The following MCPH1 variants were observed in gnomAD, a reference collection of about 807,000 sequenced individuals.
MCPH1 encodes microcephalin.
In MCPH1, 104 loss-of-function variants were observed where a neutral mutation model predicts 84.5. The ratio of observed to expected loss-of-function variants is 1.23; its 90% CI spans 1.05 to 1.45. The LOEUF is 1.45. Ranked by LOEUF, MCPH1 falls within the 40% of genes most tolerant of loss-of-function variation. MCPH1 has a pLI of 0.00. For missense variants in MCPH1, 1,498 were observed against 1,005.7 expected, an observed-to-expected ratio of 1.49 and a Z score of -6.62; for synonymous variants, 514 against 366.8, an observed-to-expected ratio of 1.40 and a Z score of -4.58.
intron 2 of MCPH1, among the ~76,000 whole-genome samples, chr8:6,412,997 C>G (rs1798756048): frequency 6.6e-6 from 1 of 152,152 alleles, no homozygotes; most frequent in African/African-American, 2.4e-5. Context: ...TTGGTATTTA[C>G]CTTCATATTT....
intron 12 of MCPH1, among the ~76,000 whole-genome samples, chr8:6,575,796 G>T (rs116759700): frequency 1.1e-3 from 161 of 152,226 alleles, no homozygotes; most frequent in African/African-American, 3.7e-3. Context: ...GGAACGCCTC[G>T]TGACAACGCA....
intron 12 of MCPH1, among the ~76,000 whole-genome samples, chr8:6,516,930 A>G (rs186368575): frequency 1.3e-5 from 2 of 152,334 alleles, no homozygotes; most frequent in Admixed American, 6.5e-5. Context: ...TTTGAGCCAT[A>G]TGAGTATTCG....
At chr8:6,642,122 C>G (rs1797976321) in intron 13 of MCPH1, among the ~76,000 whole-genome samples, 2 of 152,216 alleles carry the variant, frequency 1.3e-5, no homozygotes, top group African/African-American at 4.8e-5. Flanking sequence ...CCTTCCATCA[C>G]TCATCTGTGT....
intron 12 of MCPH1, among the ~76,000 whole-genome samples, chr8:6,540,261 C>G (rs1416438544): frequency 2.0e-5 from 3 of 152,176 alleles, no homozygotes; most frequent in Admixed American, 6.5e-5. Flanking sequence ...TCCCTTACCA[C>G]TACTCCAAAA....
Position 6,521,179 on chromosome 8 carries a change from G to A in MCPH1, c.2214+21250G>A, listed in dbSNP as rs540301414. The A allele has an allele frequency of 2.5e-6, 4 of 1,611,016 alleles. No homozygotes were observed. The South Asian group carries it at 3.3e-5, about 13-fold the overall frequency. On this transcript the variant is annotated intron_variant, in intron 12 of 13. Transcript: ENST00000344683. ...AGAAAGCATGATATGTAAACTTACA[G>A]TTTGATGTGGACATCATAGTCAGTA...
At chr8:6,466,288 C>T (rs1806932701) in intron 9 of MCPH1, among the ~76,000 whole-genome samples, 1 of 151,732 alleles carries the variant, frequency 6.6e-6, no homozygotes, top group Non-Finnish European at 1.5e-5. Context: ...AGGCACGTTC[C>T]ATCACGCCTG....
At chr8:6,459,065 GT>G (rs964614943) in intron 9 of MCPH1, among the ~76,000 whole-genome samples, 3 of 152,202 alleles carry the variant, frequency 2.0e-5, no homozygotes, top group Admixed American at 6.5e-5. Flanking sequence ...CTAAAATTTA[GT>G]TTCCTGGTTT....
intron 12 of MCPH1, among the ~76,000 whole-genome samples, chr8:6,595,394 G>C (rs1828840969): frequency 6.6e-6 from 1 of 152,232 alleles, no homozygotes. Flanking sequence ...GTCCCATTGA[G>C]AAGGTGAATG....
At chr8:6,473,744 C>T in intron 9 of MCPH1, 1 of 592,878 alleles carries the variant, frequency 1.7e-6, no homozygotes, top group South Asian at 3.7e-5. Context: ...GGTCCTGCAA[C>T]ATGAGTTTAA....
rs979223526 is a variant in MCPH1 at position 6,446,176 on chromosome 8, A to T, written c.1825+629A>T. On this transcript the variant is annotated intron_variant, in intron 8 of 13. Coordinates refer to ENST00000344683, the MANE Select transcript of MCPH1 (RefSeq NM_024596.5). ...AAGGTTTACTCCTATTCATAATTTA[A>T]TTGTAATTATAATAAACCATATCAT... The T allele has an allele frequency of 2.7e-5, 24 of 888,086 alleles. No homozygotes were observed. The East Asian group carries it at 2.4e-3, about 89-fold the overall frequency. 55.0% of individuals were successfully genotyped at this position (888,086 alleles called of 1,614,324 possible). A position where few individuals can be genotyped will look rare whatever the true frequency, so the allele number is the denominator to read the frequency against.
rs536198280 is a variant in MCPH1, at chr8:6,542,914, A to G, written c.2214+42985A>G. Among the ~76,000 whole-genome samples the G allele has an allele frequency of 2.0e-5, 3 of 152,344 alleles. No individual in the cohort carries two copies. The South Asian group carries it at 6.2e-4, about 32-fold the overall frequency. On this transcript the variant is annotated intron_variant, in intron 12 of 13. Transcript: ENST00000344683. ...ATTTTCTAAATTTAGATAATTTTCT[A>G]GAAGACATTTTCCAGGCAAACTAGT...
At chr8:6,502,891 G>A (rs1812469012) in intron 12 of MCPH1, 2 of 551,646 alleles carry the variant, frequency 3.6e-6, no homozygotes, top group Admixed American at 3.4e-5. Flanking sequence ...CACAATTATG[G>A]ATGTTTAGGG....
At chr8:6,627,001 T>G (rs1796774289) in intron 13 of MCPH1, 1 of 985,180 alleles carries the variant, frequency 1.0e-6, no homozygotes, top group Admixed American at 6.2e-5. Context: ...AAAAAAAAGT[T>G]TAGCCTCCGC....
intron 2 of MCPH1, among the ~76,000 whole-genome samples, chr8:6,412,025 G>A (rs1219887386): frequency 1.3e-5 from 2 of 152,162 alleles, no homozygotes; most frequent in Non-Finnish European, 2.9e-5. Flanking sequence ...AGGTTAGGGT[G>A]GAGCAAGAGA....
intron 9 of MCPH1, among the ~76,000 whole-genome samples, chr8:6,457,245 C>T (rs967273518): frequency 2.6e-5 from 4 of 152,120 alleles, no homozygotes; most frequent in Non-Finnish European, 4.4e-5. Context: ...ATTTCTGAAA[C>T]GAATCCACCA....
chr8:6,512,133 A>G (rs776740068), intron 12 of MCPH1, among the ~76,000 whole-genome samples: 5 of 152,112 alleles, frequency 3.3e-5, no homozygotes, highest in Admixed American at 1.3e-4. Context: ...AGAATAGTGA[A>G]TATGCTTCAC....
intron 4 of MCPH1, among the ~76,000 whole-genome samples, chr8:6,434,983 G>T (rs199726717): frequency 6.6e-6 from 1 of 152,136 alleles, no homozygotes; most frequent in East Asian, 1.9e-4. Flanking sequence ...AAGTGGGGTG[G>T]GTAAGGCTGG....
rs549667784 is a variant in MCPH1 at position 6,621,091 on chromosome 8, G to A, written c.2215-363G>A. Reference sequence around the variant, plus strand: ...ATTTGCAGTGCATTAGAATCTTGCCGTCACTTGCACACGTCACCAAGTTAC... The same window carrying A: ...ATTTGCAGTGCATTAGAATCTTGCCATCACTTGCACACGTCACCAAGTTAC... On this transcript the variant is annotated intron_variant, in intron 12 of 13. Transcript: ENST00000344683. 8.6e-4 allele frequency: 297 copies of A among 343,848 alleles called. 1 individual carries two copies. Among genetic ancestry groups the A allele is most frequent in the Non-Finnish European group, 2.0e-4 (36 of 180,180 alleles). 21.3% of individuals were successfully genotyped at this position (343,848 alleles called of 1,614,324 possible). A position where few individuals can be genotyped will look rare whatever the true frequency, so the allele number is the denominator to read the frequency against.
chr8:6,420,148 A>G (rs913030288), intron 3 of MCPH1, among the ~76,000 whole-genome samples: 3 of 151,312 alleles, frequency 2.0e-5, no homozygotes, highest in African/African-American at 7.3e-5. Context: ...TTTCACTGCC[A>G]TTGGTTCAAG....
Sources: gnomAD v4.1 joint callset for allele counts (sites outside exome capture counted in the v4.1 genomes callset) on GRCh38, gnomAD v4.1.1 for gene constraint, MANE v1.5 for transcripts, NCBI Gene and HGNC (gene_info 2026-07-23, HGNC 2026-07-21) for gene names.